Variants in PRR16 observed in about 807,000 individuals in gnomAD.
PRR16 encodes protein Largen.
A neutral mutation model predicts 18.2 loss-of-function variants in PRR16; 6 were observed. The observed-to-expected ratio is 0.33, with a 90% confidence interval of 0.18 to 0.65. The LOEUF is 0.65. PRR16 is among the 30% of genes least tolerant of loss of function. The pLI is 0.74. For synonymous variants in PRR16, 151 were observed against 147.8 expected (o/e 1.02, Z -0.16); for missense variants, 412 against 376.6 (o/e 1.09, Z -0.78).
rs1207297468 is a variant in PRR16, at chr5:120,464,536, G to A, written c.50G>A (p.Gly17Glu). The change falls in exon 1 of 2, where the codon GGA (glycine) becomes GAA (glutamate). Residue 17 changes from glycine to glutamate, a missense_variant. Gly to Glu is a moderately conservative substitution (Grantham distance 98). Coordinates refer to ENST00000407149, the MANE Select transcript of PRR16 (RefSeq NM_001300783.2). The part of the protein sequence containing the change: ...GNPSSSCPAE[G>E]PPAASKTKVK... ...CCCTCCTCGTCCTGTCCAGCCGAGG[G>A]ACCGCCGGCAGCCTCCAAAACCAAG... 2 of 1,591,806 alleles carry A rather than the reference G, an allele frequency of 1.3e-6. No individual in the cohort carries two copies. The highest frequency in any genetic ancestry group is 1.1e-5 in the South Asian group (1 of 89,282).
the PRR16 span, among the ~76,000 whole-genome samples, chr5:120,776,606 G>C: frequency 6.6e-6 from 1 of 152,006 alleles, no homozygotes; most frequent in South Asian, 2.1e-4. Flanking sequence ...ATGATTTCCT[G>C]TTTCATGTAT....
intron 1 of PRR16, among the ~76,000 whole-genome samples, chr5:120,659,981 C>T (rs1292879668): frequency 6.6e-6 from 1 of 152,048 alleles, no homozygotes; most frequent in Non-Finnish European, 1.5e-5. Context: ...TCTCACTACA[C>T]AGGCACTGCC....
At chr5:120,780,990 C>G in the PRR16 span, among the ~76,000 whole-genome samples, 1 of 152,170 alleles carries the variant, frequency 6.6e-6, no homozygotes, top group Non-Finnish European at 1.5e-5. Context: ...GCGGAAGTTG[C>G]AGTGAGCCGA....
chr5:120,789,011 G>A, the PRR16 span, among the ~76,000 whole-genome samples: 3 of 152,016 alleles, frequency 2.0e-5, no homozygotes, highest in African/African-American at 4.8e-5. Context: ...ATGTATGTTC[G>A]TGTGTCTACA....
chr5:120,689,328 A>G (rs1757182714), downstream of PRR16, among the ~76,000 whole-genome samples: 1 of 152,214 alleles, frequency 6.6e-6, no homozygotes, highest in East Asian at 1.9e-4. Context: ...AGCAATTAAC[A>G]TACAGCTTCA....
the PRR16 span, among the ~76,000 whole-genome samples, chr5:120,704,661 C>T: frequency 2.0e-5 from 3 of 152,162 alleles, no homozygotes; most frequent in Admixed American, 2.0e-4. Flanking sequence ...CCCTGATCCC[C>T]AACCTGGACC....
chr5:120,784,116 C>T, the PRR16 span, among the ~76,000 whole-genome samples: 1 of 152,186 alleles, frequency 6.6e-6, no homozygotes, highest in South Asian at 2.1e-4. Context: ...GGTTGATGGA[C>T]ATTTATATTT....
At chr5:120,611,645 G>A (rs1754337871) in intron 1 of PRR16, among the ~76,000 whole-genome samples, 1 of 152,198 alleles carries the variant, frequency 6.6e-6, no homozygotes, top group Non-Finnish European at 1.5e-5. Context: ...TCAAGAATTG[G>A]GGTCTAGGAA....
intron 1 of PRR16, among the ~76,000 whole-genome samples, chr5:120,577,343 A>C (rs571559547): frequency 6.6e-6 from 1 of 151,990 alleles, no homozygotes; most frequent in Non-Finnish European, 1.5e-5. Flanking sequence ...AAAAATGTAG[A>C]AAGTAGAGAG....
chr5:120,787,040 T>C, the PRR16 span, among the ~76,000 whole-genome samples: 922 of 152,268 alleles, frequency 6.1e-3, 3 homozygotes, highest in Non-Finnish European at 0.011. Context: ...CCCGTTGATA[T>C]GAAGAATGGG....
chr5:120,501,046 T>C lies in PRR16; in HGVS notation c.159+36401T>C, dbSNP rs140188776. 4.6e-4 allele frequency among the ~76,000 whole-genome samples: 70 copies of C among 152,218 alleles called. No homozygotes were observed. In the East Asian group the frequency reaches 0.013, roughly 28 times the overall value. Reference sequence around the variant, plus strand: ...CAGAAATATAAAATGATAGATTAAGTATTTTCTCCTAAAGAATTCAGGGAG... The same window carrying C: ...CAGAAATATAAAATGATAGATTAAGCATTTTCTCCTAAAGAATTCAGGGAG... On this transcript the variant is annotated intron_variant, in intron 1 of 1. Transcript: ENST00000407149.
At chr5:120,655,842 T>G (rs552708786) in intron 1 of PRR16, among the ~76,000 whole-genome samples, 1 of 151,748 alleles carries the variant, frequency 6.6e-6, no homozygotes, top group Non-Finnish European at 1.5e-5. Context: ...CTAGGTGGAT[T>G]TAGGAAAGGT....
chr5:120,544,951 A>G (rs192726366), intron 1 of PRR16, among the ~76,000 whole-genome samples: 1 of 152,300 alleles, frequency 6.6e-6, no homozygotes, highest in East Asian at 1.9e-4. Context: ...TGATTTTCTC[A>G]GCTTAATCTT....
chr5:120,675,305 C>T (rs1481068597), intron 1 of PRR16, among the ~76,000 whole-genome samples: 3 of 152,126 alleles, frequency 2.0e-5, no homozygotes, highest in Admixed American at 6.5e-5. Flanking sequence ...TGACATTGTT[C>T]CATATTTTTA....
chr5:120,747,424 C>T, the PRR16 span, among the ~76,000 whole-genome samples: 2 of 152,126 alleles, frequency 1.3e-5, no homozygotes, highest in South Asian at 2.1e-4. Context: ...GTGTGAGCTG[C>T]ATTTTCAATT....
the PRR16 span, among the ~76,000 whole-genome samples, chr5:120,731,902 A>C: frequency 5.9e-5 from 9 of 152,172 alleles, no homozygotes; most frequent in Non-Finnish European, 1.3e-4. Context: ...GGTGATAACT[A>C]TGTAGAAGAT....
the PRR16 span, among the ~76,000 whole-genome samples, chr5:120,702,724 G>A: frequency 6.6e-6 from 1 of 152,164 alleles, no homozygotes; most frequent in Non-Finnish European, 1.5e-5. Context: ...TTGAAATTAA[G>A]AGAAGGGAGA....
intron 1 of PRR16, among the ~76,000 whole-genome samples, chr5:120,630,162 T>G (rs1169450912): frequency 6.6e-6 from 1 of 152,176 alleles, no homozygotes. Flanking sequence ...TTGTTTTTTC[T>G]TATTTTATCA....
chr5:120,656,526 A>G (rs17429630), intron 1 of PRR16, among the ~76,000 whole-genome samples: 15,931 of 151,570 alleles, frequency 0.11, 1,115 homozygotes, highest in Non-Finnish European at 0.14. Flanking sequence ...GAATAAGGGA[A>G]AAATCGTTAT....
Sources: gnomAD v4.1 joint callset for allele counts (sites outside exome capture counted in the v4.1 genomes callset) on GRCh38, gnomAD v4.1.1 for gene constraint, MANE v1.5 for transcripts, NCBI Gene and HGNC (gene_info 2026-07-23, HGNC 2026-07-21) for gene names.